Variants in CHRD observed in about 807,000 individuals in gnomAD.
CHRD encodes the protein chordin.
Under a neutral mutation model 113.7 loss-of-function variants are expected in CHRD, and 69 were observed. The ratio of observed to expected loss-of-function variants is 0.61; its 90% CI spans 0.50 to 0.74. The LOEUF (loss-of-function observed/expected upper bound fraction) is 0.74, where lower values mean the gene tolerates loss of function less well. Ranked by LOEUF, CHRD falls within the 30% of genes least tolerant of loss-of-function variation. The pLI is 0.00. For missense variants in CHRD, 1,194 were observed against 1,295.8 expected, an observed-to-expected ratio of 0.92 and a Z score of 1.21; for synonymous variants, 561 against 540.8, an observed-to-expected ratio of 1.04 and a Z score of -0.52.
chr3:184,386,998 G>T (rs1716424820), intron 17 of CHRD, 53 bp from the exon 18 acceptor site: 1 of 1,613,980 alleles, frequency 6.2e-7, no homozygotes, highest in South Asian at 1.1e-5. Context: ...GGTCCTTTGG[G>T]GAGGGAATGA....
Position 184,388,904 on chromosome 3 carries a change from T to A in CHRD, c.2721T>A (p.Pro907=), listed in dbSNP as rs1187907355. 3 of 1,613,118 alleles carry A rather than the reference T, an allele frequency of 1.9e-6. No homozygotes were observed. In the Admixed American group the frequency reaches 5.0e-5, roughly 27 times the overall value. Residue 907 remains proline (P), a synonymous_variant, in exon 22 of 23, where the codon CCT becomes CCA. Transcript: ENST00000204604. This position sits in a 1 kb window ranked among gnomAD's most constrained non-coding sequence, Gnocchi z 6.1. ...CTGTCTTGTACCAGGCAGGGGTGCC[T>A]CACTGTGAGCGGGATGACTGTTCAC... is the stretch of plus-strand genomic sequence containing the variant.
In CHRD at chr3:184,380,851, G is replaced by A. The variant is rs763528309; in HGVS notation, c.252+56G>A. 465 of 1,369,900 alleles carry A rather than the reference G, an allele frequency of 3.4e-4. No individual in the cohort carries two copies. The highest frequency in any genetic ancestry group is 4.0e-4 in the Non-Finnish European group (410 of 1,016,144). 84.9% of individuals were successfully genotyped at this position (1,369,900 alleles called of 1,614,324 possible). On this transcript the variant is annotated intron_variant, in intron 2 of 22. Coordinates refer to ENST00000204604, the Ensembl canonical transcript of CHRD. This position sits in a 1 kb window ranked among gnomAD's most constrained non-coding sequence, Gnocchi z 6.3. ...TGGCGGGTGGGGAGCGCCGGGTCGC[G>A]CGGGCGTCGGAGTGGACTCGGAGCT...
In CHRD at chr3:184,384,508, T is replaced by A. The variant is rs1018346145; in HGVS notation, c.1441-29T>A. The A allele has an allele frequency of 6.8e-6, 10 of 1,461,126 alleles. No individual in the cohort carries two copies. Among genetic ancestry groups the A allele is most frequent in the Non-Finnish European group, 8.1e-6 (9 of 1,106,470 alleles). The allele number at this position is 1,461,126 out of a possible 1,614,324, so 90.5% of individuals were successfully genotyped here. On this transcript the variant is annotated intron_variant, in intron 12 of 22. Transcript: ENST00000204604. The surrounding 1 kb of genome is among the most constrained non-coding windows in gnomAD (Gnocchi z 4.4). Reference sequence around the variant, plus strand: ...CAGAACCTTGGACTCGTGTGAGAGCTGAGAAGGCCTATCCTCCCCTGCCCC... The same window carrying A: ...CAGAACCTTGGACTCGTGTGAGAGCAGAGAAGGCCTATCCTCCCCTGCCCC...
At position 184,380,338 on chromosome 3, in the gene CHRD, C is replaced by T. The variant is rs1428139753; in HGVS notation, c.20C>T (p.Pro7Leu). 2 of 1,354,086 alleles carry T rather than the reference C, an allele frequency of 1.5e-6. No homozygotes were observed. The highest frequency in any genetic ancestry group is 3.6e-5 in the East Asian group (1 of 28,158). 83.9% of individuals were successfully genotyped at this position (1,354,086 alleles called of 1,614,324 possible). A position where few individuals can be genotyped will look rare whatever the true frequency, so the allele number is the denominator to read the frequency against. The change falls in exon 1 of 23, where the codon CCG (proline) becomes CTG (leucine). Residue 7 changes from proline (P) to leucine (L), a missense_variant. Pro to Leu is a moderately conservative substitution (Grantham distance 98). Coordinates refer to ENST00000204604, the Ensembl canonical transcript of CHRD. This position sits in a 1 kb window ranked among gnomAD's most constrained non-coding sequence, Gnocchi z 6.3. ...CGCGTCATGCCGAGCCTCCCGGCCC[C>T]GCCGGCCCCGCTGCTGCTCCTCGGG...
chr3:184,384,703 C>T lies in CHRD; in HGVS notation c.1597+10C>T. 1.3e-6 allele frequency: 2 copies of T among 1,535,994 alleles called. No homozygotes were observed. The highest frequency in any genetic ancestry group is 1.8e-6 in the Non-Finnish European group (2 of 1,140,766). The stretch of plus-strand genomic sequence containing the variant: ...AGCGCCCGCCATGACAGTGAGTGTC[C>T]TTAGGGGTCTGTCTGCCCTTTGGTT... On this transcript the variant is annotated intron_variant, in intron 13 of 22. Coordinates refer to ENST00000204604, the Ensembl canonical transcript of CHRD. The surrounding 1 kb of genome is among the most constrained non-coding windows in gnomAD (Gnocchi z 4.4).
At position 184,388,334 on chromosome 3, in the gene CHRD, T is replaced by A. The variant is rs1030602844; in HGVS notation, c.2555-253T>A. 6.6e-6 allele frequency among the ~76,000 whole-genome samples: 1 copy of A among 151,246 alleles called. No homozygotes were observed. Among genetic ancestry groups the A allele is most frequent in the African/African-American group, 2.4e-5 (1 of 41,060 alleles). ...ATACAACCATCCACCCATTGATGCATCCATCCATGCATCCATCCATCCCTC... is the reference window on the plus strand; with the variant it reads ...ATACAACCATCCACCCATTGATGCAACCATCCATGCATCCATCCATCCCTC... On this transcript the variant is annotated intron_variant, in intron 20 of 22. Coordinates refer to ENST00000204604, the Ensembl canonical transcript of CHRD. The surrounding 1 kb of genome is among the most constrained non-coding windows in gnomAD (Gnocchi z 6.1).
chr3:184,381,978 T>A lies in CHRD; in HGVS notation c.657T>A (p.Ser219Arg). Reference sequence around the variant, plus strand: ...TCCGCTTCTCAGACTCCAATGGCAGTGTCCTGTTTGAGCACCCTGCAGCCC... The same window carrying A: ...TCCGCTTCTCAGACTCCAATGGCAGAGTCCTGTTTGAGCACCCTGCAGCCC... The change falls in exon 6 of 23, where the codon AGT (serine) becomes AGA (arginine). Residue 219 changes from serine to arginine, a missense_variant. Coordinates refer to ENST00000204604, the Ensembl canonical transcript of CHRD. The surrounding 1 kb of genome is among the most constrained non-coding windows in gnomAD (Gnocchi z 4.7). 6.2e-7 allele frequency: 1 copy of A among 1,614,164 alleles called. No homozygotes were observed. Among genetic ancestry groups the A allele is most frequent in the Non-Finnish European group, 8.5e-7 (1 of 1,180,036 alleles).
At position 184,381,419 on chromosome 3, in the gene CHRD, G is replaced by T; in HGVS notation, c.382+55G>T. 1 of 1,598,446 alleles carries T rather than the reference G, an allele frequency of 6.3e-7. No individual in the cohort carries two copies. The highest frequency in any genetic ancestry group is 1.3e-5 in the African/African-American group (1 of 74,798). ...AGGCAGGGCCACGATACTAGGTCCC[G>T]GGCCACTTGGATGGGGCGTCGGACT... is the stretch of plus-strand genomic sequence containing the variant. On this transcript the variant is annotated intron_variant, in intron 3 of 22. Transcript: ENST00000204604. The surrounding 1 kb of genome is among the most constrained non-coding windows in gnomAD (Gnocchi z 4.7).
chr3:184,383,221 G>A (rs1301525051), intron 10 of CHRD, 58 bp downstream of exon 10: 2 of 1,589,044 alleles, frequency 1.3e-6, no homozygotes, highest in East Asian at 2.2e-5. Context: ...ACACAGACAA[G>A]TGCCAGGGTG....
Position 184,381,627 on chromosome 3 carries a change from A to AG in CHRD, c.511+8dup. 1 of 1,605,406 alleles carries AG rather than the reference A, an allele frequency of 6.2e-7. No individual in the cohort carries two copies. Among genetic ancestry groups the AG allele is most frequent in the East Asian group, 2.2e-5 (1 of 44,680 alleles). On this transcript the variant is annotated splice_donor_region_variant and intron_variant, in intron 4 of 22. Coordinates refer to ENST00000204604, the Ensembl canonical transcript of CHRD. This position sits in a 1 kb window ranked among gnomAD's most constrained non-coding sequence, Gnocchi z 4.7. Reference sequence around the variant, plus strand: ...GGCCCGTGGTGACGGCCACACGGGTAGGGGGCTGGCGAACAGCGGGGTTGT... The same window carrying AG: ...GGCCCGTGGTGACGGCCACACGGGTAGGGGGGCTGGCGAACAGCGGGGTTGT...
chr3:184,383,566 T>A, exon 12 of CHRD: 1 of 1,614,048 alleles, frequency 6.2e-7, no homozygotes, highest in Non-Finnish European at 8.5e-7. Context: ...GCCATGACAC[T>A]GGAGACCAAG....
At chr3:184,386,971 T>C (rs765856390) in intron 17 of CHRD, 33 bp downstream of exon 17, 1 of 1,611,736 alleles carries the variant, frequency 6.2e-7, no homozygotes, top group Non-Finnish European at 8.5e-7. Flanking sequence ...GAGGGAGGAG[T>C]TGGCCCAGTG....
In CHRD at chr3:184,388,703, C is replaced by A. The variant is rs1422992323; in HGVS notation, c.2671C>A (p.Pro891Thr). The change falls in exon 21 of 23, where the codon CCT becomes ACT. Residue 891 changes from proline (P) to threonine (T), a missense_variant. Pro to Thr is a conservative substitution (Grantham distance 38, BLOSUM62 -1). Coordinates refer to ENST00000204604, the Ensembl canonical transcript of CHRD. The surrounding 1 kb of genome is among the most constrained non-coding windows in gnomAD (Gnocchi z 6.1). ...TCAGAGCTGGCACCCCTCAGTGCCC[C>A]CTTTTGGAGAGATGAGCTGTATCAC... The A allele has an allele frequency of 6.2e-7, 1 of 1,614,040 alleles. No homozygotes were observed. The highest frequency in any genetic ancestry group is 1.1e-5 in the South Asian group (1 of 91,080).
At chr3:184,382,099 CCTCACCA>C in intron 6 of CHRD, 79 bp downstream of exon 6, 1 of 1,566,770 alleles carries the variant, frequency 6.4e-7, no homozygotes, top group East Asian at 2.3e-5. Context: ...CTCCCGTGGT[CCTCACCA>C]CAGCCCAGTG....
Position 184,384,642 on chromosome 3 carries a change from CG to C in CHRD, c.1551del (p.His518ThrfsTer21). The C allele has an allele frequency of 6.2e-7, 1 of 1,605,238 alleles. No individual in the cohort carries two copies. Among genetic ancestry groups the C allele is most frequent in the African/African-American group, 1.3e-5 (1 of 74,880 alleles). ...CAAGGACTTCCCAGACGGAGAGCTT[CG>C]GGGGCACGTGGCTGCCCTGCCCTAC... On this transcript the variant is annotated frameshift_variant, in exon 13 of 23. Transcript: ENST00000204604. LOFTEE classifies it high-confidence loss of function. The surrounding 1 kb of genome is among the most constrained non-coding windows in gnomAD (Gnocchi z 4.4).
chr3:184,389,611 G>A lies in CHRD; in HGVS notation c.*189G>A, dbSNP rs572408724. On this transcript the variant is annotated 3_prime_UTR_variant, in exon 23 of 23. Coordinates refer to ENST00000204604, the Ensembl canonical transcript of CHRD. ...GGGGGAGAGGCAGCTGGGCCAGACC[G>A]AGGTCACAGCCACTCCAAGTCCTGC... 2.1e-4 allele frequency: 122 copies of A among 590,010 alleles called. No individual in the cohort carries two copies. In the East Asian group the frequency reaches 2.3e-3, roughly 11 times the overall value. 36.5% of individuals were successfully genotyped at this position (590,010 alleles called of 1,614,324 possible). A position where few individuals can be genotyped will look rare whatever the true frequency, so the allele number is the denominator to read the frequency against.
At chr3:184,386,414 C>T in intron 15 of CHRD, 78 bp from the exon 16 acceptor site, 3 of 1,514,392 alleles carry the variant, frequency 2.0e-6, no homozygotes, top group South Asian at 2.5e-5. Context: ...CGAGGTGTCT[C>T]CTGCTGGCTG....
exon 9 of CHRD, chr3:184,382,889 T>C: frequency 6.2e-7 from 1 of 1,613,822 alleles, no homozygotes; most frequent in Non-Finnish European, 8.5e-7. Context: ...CTCCAGATTC[T>C]ACACCAGGGG....
chr3:184,382,649 T>A, exon 8 of CHRD: 1 of 1,613,406 alleles, frequency 6.2e-7, no homozygotes, highest in Non-Finnish European at 8.5e-7. Context: ...TTCAGTGCCA[T>A]CCTGACTCTA....
Sources: allele counts gnomAD v4.1 joint callset (sites outside exome capture counted in the v4.1 genomes callset), GRCh38; gene constraint gnomAD v4.1.1; non-coding constraint Gnocchi (gnomAD v3.1); transcripts MANE v1.5; gene names NCBI Gene and HGNC (gene_info 2026-07-23, HGNC 2026-07-21).